Variants in SCNN1A observed in about 807,000 individuals in gnomAD.
SCNN1A encodes the protein epithelial sodium channel subunit alpha.
A neutral mutation model predicts 68.6 loss-of-function variants in SCNN1A; 65 were observed. The observed-to-expected ratio is 0.95, with a 90% confidence interval of 0.78 to 1.16. The LOEUF (loss-of-function observed/expected upper bound fraction) is 1.16. SCNN1A is among the 50% of genes most tolerant of loss of function. The pLI, the probability that SCNN1A is intolerant of heterozygous loss-of-function variation, is 0.00. For missense variants in SCNN1A, 880 were observed against 865.9 expected, an observed-to-expected ratio of 1.02 and a Z score of -0.20; for synonymous variants, 357 against 353.3, an observed-to-expected ratio of 1.01 and a Z score of -0.12.
intron 4 of SCNN1A, among the ~76,000 whole-genome samples, chr12:6,357,166 C>G (rs1234946855): frequency 6.6e-6 from 1 of 152,160 alleles, no homozygotes; most frequent in African/African-American, 2.4e-5. Flanking sequence ...CTGGTGAGCC[C>G]TTCGCACACA....
Position 6,362,198 on chromosome 12 carries a change from G to A in SCNN1A, c.728C>T (p.Ser243Leu), listed in dbSNP as rs772732812. The A allele has an allele frequency of 2.0e-5, 33 of 1,614,084 alleles. No individual in the cohort carries two copies. ...KSDCFYQTYSSGVDAVREWYR... is the reference protein window; with the variant it reads ...KSDCFYQTYSLGVDAVREWYR... Reference sequence around the variant, plus strand: ...CCACTCCCTCACCGCATCCACCCCTGATGAGTATGTCTGGTAGAAGCAGTC... The same window carrying A: ...CCACTCCCTCACCGCATCCACCCCTAATGAGTATGTCTGGTAGAAGCAGTC... Residue 243 changes from serine (S) to leucine (L), a missense_variant, in exon 4 of 13, where the codon TCA becomes TTA. Coordinates refer to ENST00000228916, the MANE Select transcript of SCNN1A (RefSeq NM_001038.6).
chr12:6,356,624 G>A lies in SCNN1A; in HGVS notation c.876-744C>T, dbSNP rs1269718739. Reference sequence around the variant, plus strand: ...TCCAAAACTCATCTGTGACAGGTGTGGGGACAGAGAGAAAGCAATCACAGA... The same window carrying A: ...TCCAAAACTCATCTGTGACAGGTGTAGGGACAGAGAGAAAGCAATCACAGA... On this transcript the variant is annotated intron_variant, in intron 4 of 12. Transcript: ENST00000228916. 5.3e-5 allele frequency among the ~76,000 whole-genome samples: 8 copies of A among 152,328 alleles called. No homozygotes were observed. The East Asian group carries it at 9.6e-4, about 18-fold the overall frequency.
At chr12:6,361,014 T>C (rs1948572459) in intron 4 of SCNN1A, among the ~76,000 whole-genome samples, 1 of 152,250 alleles carries the variant, frequency 6.6e-6, no homozygotes. Context: ...CCCTCACGTT[T>C]GTATCTCACA....
At chr12:6,357,772 TG>T (rs1299413259) in intron 4 of SCNN1A, among the ~76,000 whole-genome samples, 1 of 150,176 alleles carries the variant, frequency 6.7e-6, no homozygotes. Context: ...CCGAGGCGGG[TG>T]GGGTCACCTG....
At chr12:6,375,696 A>G, upstream of SCNN1A, 1 of 1,439,806 alleles carries the variant, frequency 6.9e-7, no homozygotes, top group Non-Finnish European at 9.1e-7. Flanking sequence ...ACTGGACCTG[A>G]GAAGGCGGAC....
intron 2 of SCNN1A, 95 bp from the exon 3 acceptor site, chr12:6,363,805 C>G: frequency 4.9e-6 from 6 of 1,219,480 alleles, no homozygotes; most frequent in Non-Finnish European, 6.7e-6. Flanking sequence ...CCCGGGAGGC[C>G]GGTCCATCCC....
Position 6,348,132 on chromosome 12 carries a change from A to C in SCNN1A, c.1751T>G (p.Leu584Arg), listed in dbSNP as rs1415667145. 6.2e-7 allele frequency: 1 copy of C among 1,614,212 alleles called. No homozygotes were observed. The highest frequency in any genetic ancestry group is 1.7e-5 in the Admixed American group (1 of 60,032). ...GTATCGGCTTCGGAACCTTCGGAGC[A>C]GCATGAGGAACATGATGACCAGCAG... ...FDLLVIMFLMLLRRFRSRYWS... is the reference protein window; with the variant it reads ...FDLLVIMFLMRLRRFRSRYWS... Residue 584 changes from leucine to arginine, a missense_variant, in exon 13 of 13, where the codon CTG becomes CGG. Leu to Arg is a moderately radical substitution (Grantham distance 102). Transcript: ENST00000228916.
Position 6,347,998 on chromosome 12 carries a change from G to C in SCNN1A, c.1885C>G (p.Pro629Ala). 2.5e-6 allele frequency: 4 copies of C among 1,580,656 alleles called. No individual in the cohort carries two copies. Among genetic ancestry groups the C allele is most frequent in the Non-Finnish European group, 3.4e-6 (4 of 1,161,718 alleles). The change falls in exon 13 of 13, where the codon CCA becomes GCA. Residue 629 changes from proline (P) to alanine (A), a missense_variant. Around this residue, in one of 3 missense-constraint regions of SCNN1A, gnomAD observed 758 missense variants for 721.8 expected, o/e 1.05. Coordinates refer to ENST00000228916, the MANE Select transcript of SCNN1A (RefSeq NM_001038.6). ...PHPMSLSLSQ[P>A]GPAPSPALTA... is the part of the protein sequence containing the mutation. ...AAGGCTGGAGAGGGAGCAGGGCCTG[G>C]CTGGGACAAGGACAGAGACATGGGG...
chr12:6,375,233 GTC>G, intron 1 of SCNN1A: 1 of 1,441,270 alleles, frequency 6.9e-7, no homozygotes, highest in Non-Finnish European at 9.0e-7. Flanking sequence ...TTCTCTTTGG[GTC>G]TCTCCTGCTC....
chr12:6,375,106 CT>C, intron 1 of SCNN1A: 1 of 1,504,724 alleles, frequency 6.6e-7, no homozygotes, highest in Non-Finnish European at 8.9e-7. Context: ...ATAGGGCCAC[CT>C]TTCGAGTTTT....
At chr12:6,357,028 C>T (rs140746971) in intron 4 of SCNN1A, among the ~76,000 whole-genome samples, 68 of 152,194 alleles carry the variant, frequency 4.5e-4, no homozygotes, top group African/African-American at 1.5e-3. Context: ...CCTTGAAGAA[C>T]AAAGGCACAG....
At chr12:6,364,614 T>G (rs901865573) in intron 2 of SCNN1A, among the ~76,000 whole-genome samples, 2 of 151,002 alleles carry the variant, frequency 1.3e-5, no homozygotes, top group Admixed American at 6.6e-5. Flanking sequence ...TACAAAAAAT[T>G]AGCCGGGCTT....
intron 5 of SCNN1A, 63 bp from the exon 6 acceptor site, chr12:6,355,498 G>A: frequency 6.4e-7 from 1 of 1,566,126 alleles, no homozygotes; most frequent in Non-Finnish European, 8.7e-7. Context: ...TTAGGAGATG[G>A]AAATCCACTC....
At chr12:6,375,351 A>C (rs1265943275) in intron 1 of SCNN1A, 154 bp downstream of exon 1, 1 of 1,445,354 alleles carries the variant, frequency 6.9e-7, no homozygotes, top group Non-Finnish European at 9.0e-7. Context: ...TCTGGCCCTG[A>C]CCTCGAGCTG....
intron 4 of SCNN1A, among the ~76,000 whole-genome samples, chr12:6,361,565 G>C (rs534127053): frequency 6.6e-6 from 1 of 152,156 alleles, no homozygotes; most frequent in Admixed American, 6.5e-5. Flanking sequence ...CATGGACGTT[G>C]ACCAACGTCT....
At chr12:6,365,898 G>T (rs1948668096) in intron 2 of SCNN1A, among the ~76,000 whole-genome samples, 1 of 151,754 alleles carries the variant, frequency 6.6e-6, no homozygotes, top group African/African-American at 2.4e-5. Context: ...AGTCTCAATT[G>T]CCCAGGCTGG....
intron 2 of SCNN1A, among the ~76,000 whole-genome samples, chr12:6,369,314 TACGCACCTCCCTCCTGCCAC>T (rs1948739820): frequency 7.3e-6 from 1 of 136,710 alleles, no homozygotes; most frequent in Non-Finnish European, 1.7e-5. Flanking sequence ...CCTGCCACCC[TACGCACCTCCCTCCTGCCAC>T]CCTACGCACC....
In SCNN1A at chr12:6,362,149, G is replaced by C. The variant is rs866913999; in HGVS notation, c.777C>G (p.Ile259Met). Residue 259 changes from isoleucine to methionine, a missense_variant, in exon 4 of 13, where the codon ATC becomes ATG. Transcript: ENST00000228916. ...REWYRFHYINILSRLPETLPS... is the reference protein window; with the variant it reads ...REWYRFHYINMLSRLPETLPS... Reference sequence around the variant, plus strand: ...GCAGAGTCTCTGGCAGCCTCGACAGGATGTTGATGTAGTGGAAGCGGTACC... The same window carrying C: ...GCAGAGTCTCTGGCAGCCTCGACAGCATGTTGATGTAGTGGAAGCGGTACC... The C allele has an allele frequency of 6.8e-6, 11 of 1,614,090 alleles. No individual in the cohort carries two copies. The Middle Eastern group carries it at 8.2e-4, about 121-fold the overall frequency.
intron 2 of SCNN1A, among the ~76,000 whole-genome samples, chr12:6,367,880 C>A (rs1948707579): frequency 6.6e-6 from 1 of 152,206 alleles, no homozygotes; most frequent in Admixed American, 6.5e-5. Flanking sequence ...TAGTCCAGAT[C>A]TTCACTTCCT....
Sources: gnomAD v4.1 joint callset for allele counts (sites outside exome capture counted in the v4.1 genomes callset) on GRCh38, gnomAD v4.1.1 for gene constraint, gnomAD v4.1.1 regional missense constraint, MANE v1.5 for transcripts, NCBI Gene and HGNC (gene_info 2026-07-23, HGNC 2026-07-21) for gene names.